EPSTI1: variants seen among roughly 807,000 people sequenced by gnomAD.
The protein encoded by EPSTI1 is epithelial-stromal interaction protein 1.
A neutral mutation model predicts 49.9 loss-of-function variants in EPSTI1; 66 were observed. The observed-to-expected ratio is 1.32, with a 90% confidence interval of 1.08 to 1.62. The LOEUF (loss-of-function observed/expected upper bound fraction) is 1.62, where lower values mean the gene tolerates loss of function less well. Ranked by LOEUF, EPSTI1 falls within the 40% of genes most tolerant of loss-of-function variation. The probability of loss-of-function intolerance (pLI) is 0.00; values close to 1 mark genes in which losing one functional copy is unlikely to be tolerated. For synonymous variants in EPSTI1, 137 were observed against 130.7 expected (o/e 1.05, Z -0.33); for missense variants, 394 against 365.5 (o/e 1.08, Z -0.64).
At chr13:42,901,343 A>T (rs2037346465) in intron 8 of EPSTI1, among the ~76,000 whole-genome samples, 1 of 152,116 alleles carries the variant, frequency 6.6e-6, no homozygotes, top group Non-Finnish European at 1.5e-5. Flanking sequence ...TTGTTCAAAG[A>T]CCCTCTAATA....
chr13:42,899,937 A>G (rs2037306009), intron 9 of EPSTI1, among the ~76,000 whole-genome samples: 1 of 152,202 alleles, frequency 6.6e-6, no homozygotes, highest in Admixed American at 6.5e-5. Context: ...CTGACCATCT[A>G]TATTGATCTA....
intron 7 of EPSTI1, among the ~76,000 whole-genome samples, chr13:42,917,940 G>T (rs1566115408): frequency 6.6e-6 from 1 of 152,140 alleles, no homozygotes; most frequent in Non-Finnish European, 1.5e-5. Flanking sequence ...CCTTCTAGTG[G>T]AAAGTTTAGG....
chr13:42,974,468 T>C (rs967342866), intron 1 of EPSTI1, among the ~76,000 whole-genome samples: 1 of 152,020 alleles, frequency 6.6e-6, no homozygotes. Context: ...CCATCCTGGC[T>C]AACACGGTGA....
intron 8 of EPSTI1, among the ~76,000 whole-genome samples, chr13:42,902,649 T>G (rs1335182794): frequency 6.6e-6 from 1 of 152,166 alleles, no homozygotes; most frequent in East Asian, 1.9e-4. Context: ...CAAATACAAG[T>G]TTTACCAGAA....
At chr13:42,927,388 C>A (rs2038217378) in intron 6 of EPSTI1, among the ~76,000 whole-genome samples, 1 of 152,298 alleles carries the variant, frequency 6.6e-6, no homozygotes, top group East Asian at 1.9e-4. Context: ...CAGCCACATA[C>A]CTCATTGAGC....
chr13:42,924,856 C>T (rs138458392), intron 7 of EPSTI1, among the ~76,000 whole-genome samples: 1 of 152,258 alleles, frequency 6.6e-6, no homozygotes, highest in East Asian at 1.9e-4. Flanking sequence ...TAAGGAGTGT[C>T]ATAATATCTT....
At position 42,888,127 on chromosome 13, in the gene EPSTI1, TTA is replaced by T. The variant is rs1594591025; in HGVS notation, c.*365_*366del. ...AAGCTTTCAAAACCTGATCTGAGAA[TTA>T]GATAAGAATATGTCACTTAGAAAGA... On this transcript the variant is annotated 3_prime_UTR_variant, in exon 11 of 11. Transcript: ENST00000313624. The T allele has an allele frequency of 8.5e-7, 1 of 1,173,800 alleles. No homozygotes were observed. The highest frequency in any genetic ancestry group is 1.2e-6 in the Non-Finnish European group (1 of 839,604). 72.7% of individuals were successfully genotyped at this position (1,173,800 alleles called of 1,614,324 possible).
At chr13:42,970,153 A>G (rs1268088718) in intron 2 of EPSTI1, 1 of 152,448 alleles carries the variant, frequency 6.6e-6, no homozygotes, top group Non-Finnish European at 1.5e-5. Flanking sequence ...CCACAGCTGG[A>G]CTTGAGCAAG....
At chr13:42,943,513 G>A (rs2038826397) in intron 6 of EPSTI1, among the ~76,000 whole-genome samples, 1 of 152,172 alleles carries the variant, frequency 6.6e-6, no homozygotes, top group African/African-American at 2.4e-5. Context: ...GAGGCCCCAA[G>A]AGGTTAAATA....
At chr13:42,965,318 A>G (rs2039573800) in intron 3 of EPSTI1, among the ~76,000 whole-genome samples, 1 of 152,072 alleles carries the variant, frequency 6.6e-6, no homozygotes, top group South Asian at 2.1e-4. Flanking sequence ...TTTCTTTTCT[A>G]CCCCCAAGTC....
intron 1 of EPSTI1, 45 bp downstream of exon 1, chr13:42,991,932 TG>T (rs1261233886): frequency 6.2e-7 from 1 of 1,609,530 alleles, no homozygotes; most frequent in Admixed American, 1.7e-5. Flanking sequence ...TGAGTATGTT[TG>T]GGGCCCGGGC....
In EPSTI1 at chr13:42,989,032, A is replaced by ATTTTT. The variant is rs74772535; in HGVS notation, c.188+2941_188+2945dup. Among the ~76,000 whole-genome samples, 214 of 96,088 alleles carry ATTTTT rather than the reference A, an allele frequency of 2.2e-3. 2 individuals carry two copies. The highest frequency in any genetic ancestry group is 4.4e-3 in the East Asian group (10 of 2,294). 63.0% of individuals were successfully genotyped at this position (96,088 alleles called of 152,430 possible). On this transcript the variant is annotated intron_variant, in intron 1 of 10. Coordinates refer to ENST00000313624, the MANE Select transcript of EPSTI1 (RefSeq NM_033255.5). ...GTGCCACCGTGCCCAGATAATTTAA[A>ATTTTT]TTTTTTTTTTTTTTTTTTTTTTTTT...
chr13:42,942,511 T>C (rs2038785002), intron 6 of EPSTI1, among the ~76,000 whole-genome samples: 1 of 152,040 alleles, frequency 6.6e-6, no homozygotes. Context: ...CATTTATTTT[T>C]CTATCAATCT....
intron 5 of EPSTI1, among the ~76,000 whole-genome samples, chr13:42,957,966 T>A (rs2039324868): frequency 6.6e-6 from 1 of 152,238 alleles, no homozygotes; most frequent in Non-Finnish European, 1.5e-5. Flanking sequence ...GAGCTGGGGT[T>A]TCACCATCTT....
chr13:42,908,483 T>TAAAAAAAAAA (rs1566106781), intron 8 of EPSTI1, among the ~76,000 whole-genome samples: 1 of 61,106 alleles, frequency 1.6e-5, no homozygotes. Flanking sequence ...GACTCTGTTA[T>TAAAAAAAAAA]GAAAAAAAAA....
chr13:42,905,793 G>A (rs1437364311), intron 8 of EPSTI1, among the ~76,000 whole-genome samples: 2 of 152,140 alleles, frequency 1.3e-5, no homozygotes, highest in East Asian at 3.8e-4. Context: ...CTGACACAGG[G>A]CAAAAAGAAA....
At chr13:42,912,313 G>T (rs901500601) in intron 8 of EPSTI1, among the ~76,000 whole-genome samples, 6 of 152,222 alleles carry the variant, frequency 3.9e-5, no homozygotes, top group African/African-American at 1.4e-4. Context: ...GAGCAGCTTG[G>T]TGGTGGGTTC....
intron 8 of EPSTI1, among the ~76,000 whole-genome samples, chr13:42,905,015 C>A (rs2037459254): frequency 6.6e-6 from 1 of 152,112 alleles, no homozygotes; most frequent in Non-Finnish European, 1.5e-5. Flanking sequence ...TTTCCTCATA[C>A]CATCAGTAGG....
intron 9 of EPSTI1, among the ~76,000 whole-genome samples, chr13:42,898,591 A>G (rs1379232001): frequency 3.3e-5 from 5 of 152,220 alleles, no homozygotes; most frequent in Non-Finnish European, 5.9e-5. Flanking sequence ...AGAAAAAATA[A>G]CGTATAGAAA....
Sources: allele counts gnomAD v4.1 joint callset (sites outside exome capture counted in the v4.1 genomes callset), GRCh38; gene constraint gnomAD v4.1.1; transcripts MANE v1.5; gene names NCBI Gene and HGNC (gene_info 2026-07-23, HGNC 2026-07-21).